Variants in C2CD5 observed in about 807,000 individuals in gnomAD.
C2CD5 encodes C2 calcium dependent domain containing 5.
C2CD5 carries 109 observed loss-of-function variants against 130.3 expected under a neutral mutation model. That is an observed-to-expected ratio of 0.84 (90% CI 0.72 to 0.98). C2CD5 has a LOEUF of 0.98. C2CD5 is among the 50% of genes least tolerant of loss of function. C2CD5 has a pLI of 0.00. For missense variants in C2CD5, 996 were observed against 1,261.8 expected, an observed-to-expected ratio of 0.79 and a Z score of 3.19; for synonymous variants, 454 against 429.2, an observed-to-expected ratio of 1.06 and a Z score of -0.71.
At chr12:22,452,163 A>T (rs1938772347) in intron 26 of C2CD5, among the ~76,000 whole-genome samples, 1 of 152,224 alleles carries the variant, frequency 6.6e-6, no homozygotes, top group Admixed American at 6.5e-5. Context: ...GGATTCTTAA[A>T]GTAGGGAAAA....
At chr12:22,481,518 T>C (rs888391577) in intron 14 of C2CD5, among the ~76,000 whole-genome samples, 15 of 152,156 alleles carry the variant, frequency 9.9e-5, no homozygotes, top group African/African-American at 3.6e-4. Context: ...ACACTACTTA[T>C]AGAAGCAGCA....
chr12:22,510,007 C>T (rs1038026633), intron 9 of C2CD5, among the ~76,000 whole-genome samples: 4 of 151,988 alleles, frequency 2.6e-5, no homozygotes, highest in African/African-American at 9.7e-5. Flanking sequence ...GAGTTCAAGA[C>T]CAGCCTGGTC....
chr12:22,471,622 G>T (rs1165878111), intron 19 of C2CD5, 134 bp from the exon 20 acceptor site: 1 of 500,496 alleles, frequency 2.0e-6, no homozygotes. Flanking sequence ...TTTGTTTTGT[G>T]TATTTTTACA....
Position 22,482,753 on chromosome 12 carries a change from A to G in C2CD5, c.1551-10T>C. The G allele has an allele frequency of 6.2e-7, 1 of 1,606,980 alleles. No homozygotes were observed. The highest frequency in any genetic ancestry group is 1.1e-5 in the South Asian group (1 of 90,760). On this transcript the variant is annotated splice_polypyrimidine_tract_variant and intron_variant, in intron 13 of 26. Coordinates refer to ENST00000446597, the MANE Select transcript of C2CD5 (RefSeq NM_001286176.2). ...TTTTAAGCGACATAACCTGTAAAGG[A>G]AAATAAGTCAGTGAACAGTATTCTT...
chr12:22,527,373 A>G (rs1311878062), intron 4 of C2CD5, among the ~76,000 whole-genome samples: 2 of 143,500 alleles, frequency 1.4e-5, no homozygotes, highest in African/African-American at 5.3e-5. Flanking sequence ...CTCTTGTTGC[A>G]CAGGACACGA....
chr12:22,477,973 C>G, intron 15 of C2CD5: 1 of 217,116 alleles, frequency 4.6e-6, no homozygotes. Context: ...TTCATTCTAC[C>G]AGTACTAACA....
chr12:22,481,627 C>A (rs1944714001), intron 14 of C2CD5, among the ~76,000 whole-genome samples: 1 of 147,136 alleles, frequency 6.8e-6, no homozygotes, highest in African/African-American at 2.5e-5. Context: ...TCTCATATTT[C>A]ATCGGCACTT....
chr12:22,532,885 G>A (rs1248904430), intron 3 of C2CD5, among the ~76,000 whole-genome samples: 1 of 152,184 alleles, frequency 6.6e-6, no homozygotes. Flanking sequence ...CAATATAAGG[G>A]CCAGCATGAA....
intron 3 of C2CD5, among the ~76,000 whole-genome samples, chr12:22,534,538 C>A (rs1245673822): frequency 6.6e-6 from 1 of 151,996 alleles, no homozygotes; most frequent in Non-Finnish European, 1.5e-5. Flanking sequence ...AAAAATAACT[C>A]AATTAGAAAA....
intron 12 of C2CD5, among the ~76,000 whole-genome samples, chr12:22,487,845 C>A (rs956744683): frequency 2.0e-5 from 3 of 152,004 alleles, no homozygotes; most frequent in East Asian, 1.9e-4. Flanking sequence ...AATGTGGCAC[C>A]TAGACACCAT....
Position 22,525,645 on chromosome 12 carries a change from A to T in C2CD5, c.410T>A (p.Phe137Tyr), listed in dbSNP as rs779114966. ...TTTGACTCCACATGATGACTGCCTAAATCGATTTAAATCATTGAAGAGGTC... is the reference window on the plus strand; with the variant it reads ...TTTGACTCCACATGATGACTGCCTATATCGATTTAAATCATTGAAGAGGTC... ...KVDLFNDLNRFRQSSCGVKFF... is the reference protein window; with the variant it reads ...KVDLFNDLNRYRQSSCGVKFF... The change falls in exon 5 of 27, where the codon TTT becomes TAT. Residue 137 changes from phenylalanine (F) to tyrosine (Y), a missense_variant. Transcript: ENST00000446597. The T allele has an allele frequency of 1.4e-5, 22 of 1,587,182 alleles. No individual in the cohort carries two copies. Among genetic ancestry groups the T allele is most frequent in the Non-Finnish European group, 1.8e-5 (21 of 1,156,046 alleles).
At chr12:22,483,043 G>C (rs1162895195) in intron 13 of C2CD5, among the ~76,000 whole-genome samples, 3 of 152,048 alleles carry the variant, frequency 2.0e-5, no homozygotes, top group Non-Finnish European at 4.4e-5. Flanking sequence ...GAGTATAACA[G>C]GACTGTTTCT....
intron 22 of C2CD5, among the ~76,000 whole-genome samples, chr12:22,467,834 T>C (rs1942349385): frequency 6.6e-6 from 1 of 152,232 alleles, no homozygotes; most frequent in African/African-American, 2.4e-5. Flanking sequence ...TACCGTATAG[T>C]AACGATCACA....
chr12:22,497,240 A>G (rs932209089), intron 10 of C2CD5, among the ~76,000 whole-genome samples: 1 of 152,108 alleles, frequency 6.6e-6, no homozygotes, highest in Non-Finnish European at 1.5e-5. Flanking sequence ...AAGCAGAGTG[A>G]CTATAGTTAC....
At chr12:22,487,331 T>C (rs1376804394) in intron 12 of C2CD5, among the ~76,000 whole-genome samples, 2 of 151,902 alleles carry the variant, frequency 1.3e-5, no homozygotes, top group East Asian at 3.9e-4. Flanking sequence ...ATATCCAGAA[T>C]CTACAATGAA....
chr12:22,544,245 G>C, intron 1 of C2CD5, 66 bp from the exon 2 acceptor site: 1 of 1,275,072 alleles, frequency 7.8e-7, no homozygotes, highest in Non-Finnish European at 1.1e-6. Flanking sequence ...GGAGGCGCGC[G>C]GGGTAACTGA....
chr12:22,530,261 T>C (rs1951147342), intron 3 of C2CD5, among the ~76,000 whole-genome samples: 1 of 137,644 alleles, frequency 7.3e-6, no homozygotes, highest in South Asian at 2.1e-4. Context: ...TACAACTGTG[T>C]ATATATATAT....
intron 12 of C2CD5, among the ~76,000 whole-genome samples, chr12:22,487,634 G>A (rs1040800306): frequency 6.6e-6 from 1 of 152,050 alleles, no homozygotes; most frequent in Non-Finnish European, 1.5e-5. Flanking sequence ...CATTGTGGAA[G>A]TCAGTGTGGC....
In C2CD5 at chr12:22,506,706, CA is replaced by C. The variant is rs1948582992; in HGVS notation, c.1147+4del. ...AGGAAACATTGAAACTTTTTAAGAACATACCAGGATTGTGGATACGATCCAA... is the reference window on the plus strand; with the variant it reads ...AGGAAACATTGAAACTTTTTAAGAACTACCAGGATTGTGGATACGATCCAA... On this transcript the variant is annotated splice_donor_region_variant and intron_variant, in intron 10 of 26. Transcript: ENST00000446597. 16 of 1,470,726 alleles carry C rather than the reference CA, an allele frequency of 1.1e-5. No homozygotes were observed. Among genetic ancestry groups the C allele is most frequent in the Non-Finnish European group, 1.2e-5 (13 of 1,053,250 alleles). The allele number at this position is 1,470,726 out of a possible 1,614,324, so 91.1% of individuals were successfully genotyped here. A position where few individuals can be genotyped will look rare whatever the true frequency, so the allele number is the denominator to read the frequency against.
Sources: gnomAD v4.1 joint callset for allele counts (sites outside exome capture counted in the v4.1 genomes callset) on GRCh38, gnomAD v4.1.1 for gene constraint, MANE v1.5 for transcripts, NCBI Gene and HGNC (gene_info 2026-07-23, HGNC 2026-07-21) for gene names.